The following TRDN variants were observed in gnomAD, a reference collection of about 807,000 sequenced individuals.
TRDN encodes triadin, also known as triadin in skeletal muscle.
Under a neutral mutation model 149.7 loss-of-function variants are expected in TRDN, and 161 were observed. The observed-to-expected ratio is 1.08, with a 90% CI of 0.95 to 1.23. TRDN has a LOEUF of 1.23. Ranked by LOEUF, TRDN falls within the 50% of genes most tolerant of loss-of-function variation. TRDN has a pLI of 0.00. For synonymous variants in TRDN, 294 were observed against 250.5 expected, an observed-to-expected ratio of 1.17 and a Z score of -1.64; for missense variants, 896 against 823.5, an observed-to-expected ratio of 1.09 and a Z score of -1.08.
intron 4 of TRDN, among the ~76,000 whole-genome samples, chr6:123,543,972 A>G (rs890291833): frequency 5.3e-5 from 8 of 152,048 alleles, no homozygotes; most frequent in African/African-American, 1.9e-4. Flanking sequence ...TTTCCTCCAT[A>G]TTCTGTGATT....
At chr6:123,237,891 G>A (rs1485487220) in intron 38 of TRDN, among the ~76,000 whole-genome samples, 1 of 152,138 alleles carries the variant, frequency 6.6e-6, no homozygotes, top group African/African-American at 2.4e-5. Context: ...AGAAGGCAGA[G>A]AGAAAAGATA....
chr6:123,384,213 G>T (rs1366720185), intron 14 of TRDN, among the ~76,000 whole-genome samples: 1 of 152,054 alleles, frequency 6.6e-6, no homozygotes, highest in Admixed American at 6.6e-5. Flanking sequence ...AATATGCAGT[G>T]GCCACTTCTA....
intron 2 of TRDN, among the ~76,000 whole-genome samples, chr6:123,563,517 T>A (rs990909714): frequency 3.9e-5 from 6 of 152,234 alleles, no homozygotes; most frequent in African/African-American, 1.4e-4. Context: ...AAGATTTGAA[T>A]CTATGCGTAT....
intron 32 of TRDN, among the ~76,000 whole-genome samples, chr6:123,266,106 C>A (rs532945891): frequency 1.0e-4 from 12 of 119,964 alleles, no homozygotes; most frequent in African/African-American, 3.3e-4. Flanking sequence ...TATTATATAT[C>A]ATATGTATTA....
intron 1 of TRDN, among the ~76,000 whole-genome samples, chr6:123,625,287 C>G (rs1274804825): frequency 6.6e-6 from 1 of 152,100 alleles, no homozygotes; most frequent in Non-Finnish European, 1.5e-5. Flanking sequence ...ACATCAAACA[C>G]CATAAGGCAC....
rs1212086093 is a variant in TRDN at position 123,331,942 on chromosome 6, A to G, written c.1421-13T>C. The stretch of plus-strand genomic sequence containing the variant: ...CCTTTAATAGGTTCTGAAAAGAAAC[A>G]TCGGACATTTATTTGAAGCCAAGAC... On this transcript the variant is annotated splice_polypyrimidine_tract_variant and intron_variant, in intron 22 of 40. Coordinates refer to ENST00000334268, the MANE Select transcript of TRDN (RefSeq NM_006073.4). 4 of 1,531,748 alleles carry G rather than the reference A, an allele frequency of 2.6e-6. No individual in the cohort carries two copies. In the East Asian group the frequency reaches 7.2e-5, roughly 27 times the overall value. 94.9% of individuals were successfully genotyped at this position (1,531,748 alleles called of 1,614,324 possible).
intron 21 of TRDN, among the ~76,000 whole-genome samples, chr6:123,339,739 T>C (rs1288528374): frequency 2.6e-5 from 4 of 152,204 alleles, no homozygotes; most frequent in Non-Finnish European, 4.4e-5. Flanking sequence ...CTTAATAATA[T>C]GTGACTGGTG....
intron 10 of TRDN, among the ~76,000 whole-genome samples, chr6:123,443,668 C>A (rs1396393084): frequency 6.6e-6 from 1 of 151,778 alleles, no homozygotes; most frequent in East Asian, 1.9e-4. Context: ...ACGTTTAAGT[C>A]TTTAATCCAT....
At chr6:123,447,788 G>T (rs765458069) in intron 10 of TRDN, among the ~76,000 whole-genome samples, 1 of 148,718 alleles carries the variant, frequency 6.7e-6, no homozygotes, top group Non-Finnish European at 1.5e-5. Flanking sequence ...AAAAAAAAAA[G>T]GTCGTTGTGA....
intron 9 of TRDN, among the ~76,000 whole-genome samples, chr6:123,479,939 C>A (rs926247282): frequency 6.6e-6 from 1 of 151,830 alleles, no homozygotes; most frequent in Non-Finnish European, 1.5e-5. Flanking sequence ...ACTTAAAATA[C>A]AAAGAACACA....
chr6:123,500,692 A>C (rs1034201506), intron 8 of TRDN, among the ~76,000 whole-genome samples: 1 of 152,144 alleles, frequency 6.6e-6, no homozygotes, highest in African/African-American at 2.4e-5. Flanking sequence ...ATGTCATTCA[A>C]ATGATACCTA....
intron 12 of TRDN, among the ~76,000 whole-genome samples, chr6:123,397,832 C>CA (rs552444334): frequency 2.0e-5 from 3 of 151,978 alleles, no homozygotes; most frequent in Non-Finnish European, 4.4e-5. Context: ...AAACAAACAA[C>CA]AAAAAATGAA....
intron 19 of TRDN, among the ~76,000 whole-genome samples, chr6:123,374,247 G>T (rs1429854680): frequency 6.8e-6 from 1 of 147,844 alleles, no homozygotes; most frequent in Non-Finnish European, 1.5e-5. Context: ...ATAGATAGCA[G>T]AACTTACAGA....
chr6:123,298,171 A>G (rs1582836905), intron 24 of TRDN, among the ~76,000 whole-genome samples: 1 of 152,106 alleles, frequency 6.6e-6, no homozygotes, highest in South Asian at 2.1e-4. Context: ...AAAAGAAAGA[A>G]AAACCGGGGA....
chr6:123,294,826 A>T (rs1236498586), intron 24 of TRDN, among the ~76,000 whole-genome samples: 3 of 152,146 alleles, frequency 2.0e-5, no homozygotes, highest in African/African-American at 7.2e-5. Flanking sequence ...CTTCCAAGCA[A>T]TTCCATCTAC....
chr6:123,359,115 A>G (rs1780800644), intron 20 of TRDN, among the ~76,000 whole-genome samples: 2 of 152,180 alleles, frequency 1.3e-5, no homozygotes. Context: ...ATATTGCATC[A>G]GTTTAGTCTC....
At chr6:123,574,686 A>T (rs947658371) in intron 1 of TRDN, among the ~76,000 whole-genome samples, 1 of 151,830 alleles carries the variant, frequency 6.6e-6, no homozygotes, top group East Asian at 1.9e-4. Context: ...CTTCAGATTC[A>T]CTGTATTGAG....
chr6:123,257,732 G>A (rs1776612850), intron 35 of TRDN, among the ~76,000 whole-genome samples: 1 of 152,094 alleles, frequency 6.6e-6, no homozygotes, highest in Admixed American at 6.5e-5. Flanking sequence ...AGGCAGTATG[G>A]CCATCTTCAC....
chr6:123,423,659 A>G (rs1418557123), intron 12 of TRDN, among the ~76,000 whole-genome samples: 1 of 152,176 alleles, frequency 6.6e-6, no homozygotes, highest in East Asian at 1.9e-4. Context: ...AAATCATGTA[A>G]TGTAATGTCA....
Sources: gnomAD v4.1 joint callset for allele counts (sites outside exome capture counted in the v4.1 genomes callset) on GRCh38, gnomAD v4.1.1 for gene constraint, MANE v1.5 for transcripts, NCBI Gene and HGNC (gene_info 2026-07-23, HGNC 2026-07-21) for gene names.